DDAH2: variants seen among roughly 807,000 people sequenced by gnomAD.
The protein encoded by DDAH2 is DDAH family member 2, ADMA-independent.
Under a neutral mutation model 24.8 loss-of-function variants are expected in DDAH2, and 8 were observed. The observed-to-expected ratio is 0.32, with a 90% CI of 0.19 to 0.58. DDAH2 has a LOEUF of 0.58. DDAH2 is among the 20% of genes least tolerant of loss of function. DDAH2 has a pLI of 0.87. For missense variants in DDAH2, 281 were observed against 379.0 expected, an observed-to-expected ratio of 0.74 and a Z score of 2.15; for synonymous variants, 151 against 166.1, an observed-to-expected ratio of 0.91 and a Z score of 0.70.
chr6:31,729,616 G>T, upstream of DDAH2: 1 of 186,118 alleles, frequency 5.4e-6, no homozygotes, highest in Non-Finnish European at 1.1e-5. The surrounding 1 kb of genome is among the most constrained non-coding windows in gnomAD (Gnocchi z 6.7). Context: ...CCCGCGACCC[G>T]CAGGGGTTAT....
chr6:31,729,118 A>C lies in DDAH2; in HGVS notation c.44T>G (p.Leu15Arg). The C allele has an allele frequency of 6.2e-7, 1 of 1,612,642 alleles. No homozygotes were observed. Among genetic ancestry groups the C allele is most frequent in the Non-Finnish European group, 8.5e-7 (1 of 1,179,782 alleles). ...CAGGCTCTCTGGGACTCCCCGGATCAGGGCATGGGAGCAGCGGCCCAGCCC... is the reference window on the plus strand; with the variant it reads ...CAGGCTCTCTGGGACTCCCCGGATCCGGGCATGGGAGCAGCGGCCCAGCCC... ...GEGLGRCSHA[L>R]IRGVPESLAS... The change falls in exon 1 of 6, where the codon CTG becomes CGG. Residue 15 changes from leucine (L) to arginine (R), a missense_variant. Leu to Arg is a moderately radical substitution (Grantham distance 102, BLOSUM62 -2). Transcript: ENST00000375789. This position sits in a 1 kb window ranked among gnomAD's most constrained non-coding sequence, Gnocchi z 6.7.
Position 31,728,760 on chromosome 6 carries a change from A to G in DDAH2, c.298-15T>C. Reference sequence around the variant, plus strand: ...ACTCCATCGACCTTAGGATAGGAGAAGAGGGCACGGAGCTGTGACACCCCC... The same window carrying G: ...ACTCCATCGACCTTAGGATAGGAGAGGAGGGCACGGAGCTGTGACACCCCC... On this transcript the variant is annotated splice_polypyrimidine_tract_variant and intron_variant, in intron 1 of 5. Transcript: ENST00000375789. This position sits in a 1 kb window ranked among gnomAD's most constrained non-coding sequence, Gnocchi z 9.8. 1 of 1,612,760 alleles carries G rather than the reference A, an allele frequency of 6.2e-7. No individual in the cohort carries two copies. The highest frequency in any genetic ancestry group is 8.5e-7 in the Non-Finnish European group (1 of 1,179,876).
In DDAH2 at chr6:31,728,527, G is replaced by C; in HGVS notation, c.398-3C>G. The C allele has an allele frequency of 6.2e-7, 1 of 1,612,752 alleles. No individual in the cohort carries two copies. Among genetic ancestry groups the C allele is most frequent in the African/African-American group, 1.3e-5 (1 of 74,982 alleles). ...GAGGCCTACGAAAAACTCCCGGCCT[G>C]AGTCCGGGAGGCCGCGGAGGTTTGA... On this transcript the variant is annotated splice_polypyrimidine_tract_variant and splice_region_variant and intron_variant, in intron 2 of 5. Transcript: ENST00000375789. The surrounding 1 kb of genome is among the most constrained non-coding windows in gnomAD (Gnocchi z 9.8).
In DDAH2 at chr6:31,727,082, C is replaced by T. The variant is rs45565837; in HGVS notation, c.*155G>A. ...TTTATTGGTTCTGAGAGGGAGGATT[C>T]ACCCAGTGGATCCTTTTCCCTACAC... On this transcript the variant is annotated 3_prime_UTR_variant, in exon 6 of 6. Coordinates refer to ENST00000375789, the MANE Select transcript of DDAH2 (RefSeq NM_001303007.2). The surrounding 1 kb of genome is among the most constrained non-coding windows in gnomAD (Gnocchi z 6.0). 0.014 allele frequency: 9,601 copies of T among 680,966 alleles called. 107 individuals carry two copies. The highest frequency in any genetic ancestry group is 0.018 in the Non-Finnish European group (6,590 of 372,340). 42.2% of individuals were successfully genotyped at this position (680,966 alleles called of 1,614,324 possible). A position where few individuals can be genotyped will look rare whatever the true frequency, so the allele number is the denominator to read the frequency against.
Position 31,729,032 on chromosome 6 carries a change from C to A in DDAH2, c.130G>T (p.Glu44Ter). ...AGTTTACCTCCCAGCACCCCGTGCT[C>A]CCTTTGAGCTTTGGCCAGATCCAGA... ...PALDLAKAQR[E>*]HGVLGGKLRQ... Residue 44 changes from glutamate (E) to a stop codon, truncating the protein, a stop_gained, in exon 1 of 6, where the codon GAG becomes TAG. Transcript: ENST00000375789. LOFTEE classifies it high-confidence loss of function. The surrounding 1 kb of genome is among the most constrained non-coding windows in gnomAD (Gnocchi z 6.7). The A allele has an allele frequency of 6.2e-7, 1 of 1,613,046 alleles. No homozygotes were observed. The highest frequency in any genetic ancestry group is 8.5e-7 in the Non-Finnish European group (1 of 1,180,022).
chr6:31,727,196 A>G lies in DDAH2; in HGVS notation c.*41T>C, dbSNP rs754647325. The G allele has an allele frequency of 4.8e-6, 7 of 1,461,612 alleles. No individual in the cohort carries two copies. In the South Asian group the frequency reaches 8.0e-5, roughly 17 times the overall value. The allele number at this position is 1,461,612 out of a possible 1,614,324, so 90.5% of individuals were successfully genotyped here. A position where few individuals can be genotyped will look rare whatever the true frequency, so the allele number is the denominator to read the frequency against. Reference sequence around the variant, plus strand: ...CCCTCCTTCCCCTTCTACTTCCTATACTATCCTACCCCTGGCCAGCAGTAC... The same window carrying G: ...CCCTCCTTCCCCTTCTACTTCCTATGCTATCCTACCCCTGGCCAGCAGTAC... On this transcript the variant is annotated 3_prime_UTR_variant, in exon 6 of 6. Coordinates refer to ENST00000375789, the MANE Select transcript of DDAH2 (RefSeq NM_001303007.2). This position sits in a 1 kb window ranked among gnomAD's most constrained non-coding sequence, Gnocchi z 6.0.
At position 31,728,962 on chromosome 6, in the gene DDAH2, TC is replaced by T; in HGVS notation, c.199del (p.Glu67SerfsTer14). 1 of 1,613,062 alleles carries T rather than the reference TC, an allele frequency of 6.2e-7. No individual in the cohort carries two copies. The highest frequency in any genetic ancestry group is 1.1e-5 in the South Asian group (1 of 91,080). On this transcript the variant is annotated frameshift_variant, in exon 1 of 6. Transcript: ENST00000375789. LOFTEE classifies it high-confidence loss of function. This position sits in a 1 kb window ranked among gnomAD's most constrained non-coding sequence, Gnocchi z 9.8. ...AAGCAGCGGTCCCAGCGGCAATGAC[TC>T]CTCAGGTGGCAGTTCTAGCAGCTGT... ...GLQLLELPPE[E>X]SLPLGPLLGD...
Position 31,728,181 on chromosome 6 carries a change from C to A in DDAH2, c.583G>T (p.Ala195Ser). 6.2e-7 allele frequency: 1 copy of A among 1,611,968 alleles called. No homozygotes were observed. Among genetic ancestry groups the A allele is most frequent in the Non-Finnish European group, 8.5e-7 (1 of 1,179,884 alleles). ...VAGSSDAAQK[A>S]VRAMAVLTDH... is the part of the protein sequence containing the mutation. The stretch of plus-strand genomic sequence containing the variant: ...CCCCGCCCCCTCCTCACCCGGACAG[C>A]CTTTTGGGCAGCGTCGCTGCTGCCT... The change falls in exon 4 of 6, where the codon GCT becomes TCT. Residue 195 changes from alanine to serine, a missense_variant. Physicochemically the swap from Ala to Ser is moderately conservative, Grantham distance 99 (BLOSUM62 1). Coordinates refer to ENST00000375789, the MANE Select transcript of DDAH2 (RefSeq NM_001303007.2). This position sits in a 1 kb window ranked among gnomAD's most constrained non-coding sequence, Gnocchi z 9.8.
rs560669734 is a variant in DDAH2, at chr6:31,728,126, C to A, written c.591+47G>T. On this transcript the variant is annotated intron_variant, in intron 4 of 5. Coordinates refer to ENST00000375789, the MANE Select transcript of DDAH2 (RefSeq NM_001303007.2). This position sits in a 1 kb window ranked among gnomAD's most constrained non-coding sequence, Gnocchi z 9.8. ...CTAAGCCTCCCAGCTCCCGGCCTCC[C>A]GGGCCCAGAACTGCGCCCACTTTCG... The A allele has an allele frequency of 1.2e-6, 2 of 1,600,368 alleles. No individual in the cohort carries two copies. Among genetic ancestry groups the A allele is most frequent in the Non-Finnish European group, 8.5e-7 (1 of 1,176,766 alleles).
chr6:31,727,821 A>G lies in DDAH2; in HGVS notation c.592-129T>C. 2 of 1,047,494 alleles carry G rather than the reference A, an allele frequency of 1.9e-6. No individual in the cohort carries two copies. Among genetic ancestry groups the G allele is most frequent in the Non-Finnish European group, 2.8e-6 (2 of 725,096 alleles). 64.9% of individuals were successfully genotyped at this position (1,047,494 alleles called of 1,614,324 possible). A position where few individuals can be genotyped will look rare whatever the true frequency, so the allele number is the denominator to read the frequency against. On this transcript the variant is annotated intron_variant, in intron 4 of 5. Coordinates refer to ENST00000375789, the MANE Select transcript of DDAH2 (RefSeq NM_001303007.2). This position sits in a 1 kb window ranked among gnomAD's most constrained non-coding sequence, Gnocchi z 6.0. ...TAATGACAGCAAGCACATAGAGCTT[A>G]CGATATGTCAGACACTAAGTACTTT...
At position 31,727,811 on chromosome 6, in the gene DDAH2, CAT is replaced by C. The variant is rs1807497265; in HGVS notation, c.592-121_592-120del. 1 of 1,160,090 alleles carries C rather than the reference CAT, an allele frequency of 8.6e-7. No individual in the cohort carries two copies. Among genetic ancestry groups the C allele is most frequent in the African/African-American group, 1.5e-5 (1 of 64,820 alleles). 71.9% of individuals were successfully genotyped at this position (1,160,090 alleles called of 1,614,324 possible). ...TTGTGGAAAATAATGACAGCAAGCACATAGAGCTTACGATATGTCAGACACTA... is the reference window on the plus strand; with the variant it reads ...TTGTGGAAAATAATGACAGCAAGCACAGAGCTTACGATATGTCAGACACTA... On this transcript the variant is annotated intron_variant, in intron 4 of 5. Coordinates refer to ENST00000375789, the MANE Select transcript of DDAH2 (RefSeq NM_001303007.2). The surrounding 1 kb of genome is among the most constrained non-coding windows in gnomAD (Gnocchi z 6.0).
upstream of DDAH2, chr6:31,729,578 C>T (rs1807698660): frequency 4.8e-6 from 1 of 209,030 alleles, no homozygotes; most frequent in Non-Finnish European, 9.7e-6. This position sits in a 1 kb window ranked among gnomAD's most constrained non-coding sequence, Gnocchi z 6.7. Flanking sequence ...CCCTCAGCTG[C>T]TCGCTACCGC....
upstream of DDAH2, chr6:31,729,394 A>G (rs901813445): frequency 8.4e-5 from 48 of 573,134 alleles, no homozygotes; most frequent in Non-Finnish European, 1.0e-4. This position sits in a 1 kb window ranked among gnomAD's most constrained non-coding sequence, Gnocchi z 6.7. Context: ...TCTACCCAGC[A>G]CCCTCAGGGG....
upstream of DDAH2, chr6:31,729,424 C>G: frequency 5.6e-6 from 3 of 539,574 alleles, no homozygotes; most frequent in Non-Finnish European, 6.5e-6. The surrounding 1 kb of genome is among the most constrained non-coding windows in gnomAD (Gnocchi z 6.7). Flanking sequence ...TTAAGAGGAG[C>G]CTGAGGAACA....
chr6:31,728,740 A>G lies in DDAH2; in HGVS notation c.303T>C (p.Asp101=). ...GGTCTTGCAGGGCTTTGCGGACTCC[A>G]TCGACCTTAGGATAGGAGAAGAGGG... ...PWSPARRPEV[D]GVRKALQDLG... is the part of the protein sequence containing the mutation. Residue 101 remains aspartate (D), a synonymous_variant, in exon 2 of 6, where the codon GAT becomes GAC. Coordinates refer to ENST00000375789, the MANE Select transcript of DDAH2 (RefSeq NM_001303007.2). This position sits in a 1 kb window ranked among gnomAD's most constrained non-coding sequence, Gnocchi z 9.8. 6.2e-7 allele frequency: 1 copy of G among 1,612,956 alleles called. No homozygotes were observed. The highest frequency in any genetic ancestry group is 8.5e-7 in the Non-Finnish European group (1 of 1,179,980).
rs1356340572 is a variant in DDAH2 at position 31,728,671 on chromosome 6, C to A, written c.372G>T (p.Leu124=). Residue 124 remains leucine, a synonymous_variant, in exon 2 of 6, where the codon CTG becomes CTT. Transcript: ENST00000375789. This position sits in a 1 kb window ranked among gnomAD's most constrained non-coding sequence, Gnocchi z 9.8. ...IVEIGDENAT[L]DGTDVLFTGR... is the part of the protein sequence containing the mutation. ...CGGTGAAGAGAACGTCAGTGCCATC[C>A]AGCGTCGCGTTCTCGTCTCCTATTT... The A allele has an allele frequency of 6.2e-7, 1 of 1,613,036 alleles. No individual in the cohort carries two copies. Among genetic ancestry groups the A allele is most frequent in the Admixed American group, 1.7e-5 (1 of 60,022 alleles).
chr6:31,729,443 G>A (rs1807686737), upstream of DDAH2: 1 of 483,942 alleles, frequency 2.1e-6, no homozygotes, highest in Middle Eastern at 5.3e-4. This position sits in a 1 kb window ranked among gnomAD's most constrained non-coding sequence, Gnocchi z 6.7. Context: ...CAAGGCTAGG[G>A]TCTCTAATCT....
rs1048807983 is a variant in DDAH2 at position 31,728,236 on chromosome 6, G to A, written c.528C>T (p.Cys176=). The part of the protein sequence containing the change: ...VSGPSHLRGL[C]GMGGPRTVVA... ...CAACAGTGCGAGGTCCCCCCATGCCGCAGAGACCGCGCAGGTGGGAGGGAC... is the reference window on the plus strand; with the variant it reads ...CAACAGTGCGAGGTCCCCCCATGCCACAGAGACCGCGCAGGTGGGAGGGAC... The change falls in exon 4 of 6, where the codon TGC becomes TGT. Residue 176 remains cysteine (C), a synonymous_variant. Coordinates refer to ENST00000375789, the MANE Select transcript of DDAH2 (RefSeq NM_001303007.2). The surrounding 1 kb of genome is among the most constrained non-coding windows in gnomAD (Gnocchi z 9.8). 1 of 1,612,670 alleles carries A rather than the reference G, an allele frequency of 6.2e-7. No individual in the cohort carries two copies. The highest frequency in any genetic ancestry group is 8.5e-7 in the Non-Finnish European group (1 of 1,179,884).
In DDAH2 at chr6:31,729,209, C is replaced by T; in HGVS notation, c.-48G>A. 7.1e-7 allele frequency: 1 copy of T among 1,406,334 alleles called. No individual in the cohort carries two copies. Among genetic ancestry groups the T allele is most frequent in the Non-Finnish European group, 9.8e-7 (1 of 1,025,588 alleles). The allele number at this position is 1,406,334 out of a possible 1,614,324, so 87.1% of individuals were successfully genotyped here. ...CCAACCGCTCGGATTTCTTAGTTTT[C>T]TTGTTTCTTCACCTGTCTGGGAGAA... On this transcript the variant is annotated 5_prime_UTR_variant, in exon 1 of 6. Coordinates refer to ENST00000375789, the MANE Select transcript of DDAH2 (RefSeq NM_001303007.2). The surrounding 1 kb of genome is among the most constrained non-coding windows in gnomAD (Gnocchi z 6.7).
Sources: allele counts gnomAD v4.1 joint callset, GRCh38; gene constraint gnomAD v4.1.1; non-coding constraint Gnocchi (gnomAD v3.1); transcripts MANE v1.5; gene names NCBI Gene and HGNC (gene_info 2026-07-23, HGNC 2026-07-21).